Variants in NAV1 observed in about 807,000 individuals in gnomAD.
NAV1 encodes the protein pore membrane and/or filament interacting like protein 3.
Under a neutral mutation model 175.2 loss-of-function variants are expected in NAV1, and 18 were observed. The observed-to-expected ratio is 0.10, with a 90% CI of 0.07 to 0.15. NAV1 has a LOEUF of 0.15. Among genes scored for constraint, NAV1 ranks in the 10% least tolerant of loss-of-function variants. The pLI is 1.00. For synonymous variants in NAV1, 897 were observed against 978.7 expected (o/e 0.92, Z 1.56); for missense variants, 1,731 against 2,436.6 (o/e 0.71, Z 6.10).
In NAV1 at chr1:201,816,365, C is replaced by A. The variant is rs1374805792; in HGVS notation, c.5341-723C>A. On this transcript the variant is annotated intron_variant, in intron 28 of 29. Coordinates refer to ENST00000367296, the Ensembl canonical transcript of NAV1. ...CAGCCTGGGCAACAAGAGCGAAACT[C>A]CCTCTGGGAAAAAATATATATGTAA... Among the ~76,000 whole-genome samples the A allele has an allele frequency of 5.3e-5, 8 of 152,186 alleles. No individual in the cohort carries two copies. In the East Asian group the frequency reaches 1.4e-3, roughly 26 times the overall value.
At chr1:201,634,913 G>C (rs1297673713) in intron 2 of NAV1, among the ~76,000 whole-genome samples, 1 of 152,212 alleles carries the variant, frequency 6.6e-6, no homozygotes, top group Admixed American at 6.5e-5. Flanking sequence ...TGTGGTCCCA[G>C]AAATCAAGAA....
chr1:201,683,938 A>ATCAT (rs1439507086), intron 1 of NAV1, among the ~76,000 whole-genome samples: 12 of 152,106 alleles, frequency 7.9e-5, no homozygotes, highest in Non-Finnish European at 1.2e-4. Context: ...CCATTCATTC[A>ATCAT]TCATTCATTC....
At chr1:201,648,691 G>C in exon 1 of NAV1, 1 of 1,424,182 alleles carries the variant, frequency 7.0e-7, no homozygotes, top group Non-Finnish European at 9.1e-7. Flanking sequence ...AGCGTCAAGA[G>C]CGTGCAGCCC....
chr1:201,788,071 TC>T lies in NAV1; in HGVS notation c.2996-395del, dbSNP rs1234344632. ...TCTGGGTCTTGGTTTGAATTTTCAG[TC>T]CTCCTGAGCTGGCAGTTGTGTTTTA... On this transcript the variant is annotated intron_variant, in intron 9 of 29. Transcript: ENST00000367296. This position sits in a 1 kb window ranked among gnomAD's most constrained non-coding sequence, Gnocchi z 5.7. Among the ~76,000 whole-genome samples the T allele has an allele frequency of 2.0e-5, 3 of 152,112 alleles. No individual in the cohort carries two copies. The highest frequency in any genetic ancestry group is 7.2e-5 in the African/African-American group (3 of 41,408).
At chr1:201,683,133 T>G (rs760509783) in intron 1 of NAV1, among the ~76,000 whole-genome samples, 5 of 152,226 alleles carry the variant, frequency 3.3e-5, no homozygotes, top group Non-Finnish European at 7.3e-5. Context: ...TGTGACAGTT[T>G]CTTAGACTTT....
At chr1:201,711,880 T>C (rs1375643052) in intron 1 of NAV1, among the ~76,000 whole-genome samples, 4 of 152,234 alleles carry the variant, frequency 2.6e-5, no homozygotes, top group African/African-American at 9.6e-5. Flanking sequence ...AAGAACATTC[T>C]TTGAGTTCCT....
In NAV1 at chr1:201,642,557, T is replaced by TTTCTTTCTTTC. The variant is rs1571858664; in HGVS notation, c.5-6074_5-6073insTTTCTTTCTTC. On this transcript the variant is annotated intron_variant, in intron 2 of 29. Transcript: ENST00000367302. The stretch of plus-strand genomic sequence containing the variant: ...TCTTTCTTTCTTTCTTTCTTTCTTT[T>TTTCTTTCTTTC]TTCCCTTTCTTCCCTTCCTTCTCTT... Among the ~76,000 whole-genome samples the TTTCTTTCTTTC allele has an allele frequency of 2.5e-3, 270 of 106,058 alleles. 14 individuals carry two copies. The highest frequency in any genetic ancestry group is 3.6e-3 in the East Asian group (16 of 4,428). The allele number at this position is 106,058 out of a possible 152,430, so 69.6% of individuals were successfully genotyped here. A position where few individuals can be genotyped will look rare whatever the true frequency, so the allele number is the denominator to read the frequency against.
chr1:201,664,704 T>C (rs2102363300), intron 1 of NAV1, among the ~76,000 whole-genome samples: 1 of 152,298 alleles, frequency 6.6e-6, no homozygotes, highest in South Asian at 2.1e-4. Context: ...GGAGGAAACA[T>C]GGGTCTTGCC....
chr1:201,612,920 A>T lies in NAV1; in HGVS notation c.-32-9933A>T, dbSNP rs552812042. On this transcript the variant is annotated intron_variant, in intron 2 of 33. Transcript: ENST00000685211. ...GTGCAGCAGTACGAGTCATATCTTC[A>T]GAGTGGCACCAAGGGACACACTTCT... Among the ~76,000 whole-genome samples, 102 of 152,206 alleles carry T rather than the reference A, an allele frequency of 6.7e-4. 1 individual carries two copies. The South Asian group carries it at 0.02, about 29-fold the overall frequency.
Position 201,545,812 on chromosome 1 carries a change from T to A in NAV1, c.-144+6470T>A, listed in dbSNP as rs918426730. Among the ~76,000 whole-genome samples the A allele has an allele frequency of 2.0e-5, 3 of 152,366 alleles. No individual in the cohort carries two copies. The East Asian group carries it at 5.8e-4, about 29-fold the overall frequency. On this transcript the variant is annotated intron_variant, in intron 1 of 33. Coordinates refer to the NAV1 transcript ENST00000685211. ...GATGCAGAAGGGATAAATGAAGGCA[T>A]AAAGGAACGAGTCTGACTGTATCTT...
At position 201,807,068 on chromosome 1, in the gene NAV1, T is replaced by C. The variant is rs1259131298; in HGVS notation, c.3649-885T>C. ...TGTGTGTATGTGTGTGTGTGGTGTG[T>C]GGTGTGTGCATGCTGTATGGATGCA... On this transcript the variant is annotated intron_variant, in intron 17 of 29. Transcript: ENST00000367296. This position sits in a 1 kb window ranked among gnomAD's most constrained non-coding sequence, Gnocchi z 5.4. Among the ~76,000 whole-genome samples the C allele has an allele frequency of 6.6e-6, 1 of 151,958 alleles. No individual in the cohort carries two copies. The highest frequency in any genetic ancestry group is 6.6e-5 in the Admixed American group (1 of 15,232).
chr1:201,729,607 T>TA (rs1258453808), intron 3 of NAV1, among the ~76,000 whole-genome samples: 5 of 141,958 alleles, frequency 3.5e-5, no homozygotes, highest in African/African-American at 1.4e-4. Flanking sequence ...GACTCCATCT[T>TA]AAAAAATAAC....
chr1:201,670,382 A>C, intron 1 of NAV1, among the ~76,000 whole-genome samples: 1 of 137,250 alleles, frequency 7.3e-6, no homozygotes, highest in Non-Finnish European at 1.6e-5. Flanking sequence ...CTCCATCTCA[A>C]AAAAAAAAAA....
intron 1 of NAV1, among the ~76,000 whole-genome samples, chr1:201,540,727 G>A (rs115398554): frequency 0.02 from 3,029 of 152,360 alleles, 44 homozygotes; most frequent in Middle Eastern, 0.051. Flanking sequence ...TCTAAGATGA[G>A]CTTCCTAGTA....
rs1409614641 is a variant in NAV1 at position 201,783,852 on chromosome 1, G to A, written c.2804G>A (p.Ser935Asn). The A allele has an allele frequency of 4.4e-6, 7 of 1,602,192 alleles. No individual in the cohort carries two copies. The African/African-American group carries it at 9.4e-5, about 21-fold the overall frequency. ...AGCCCCAGAGCTGGGCAACTGGACAGGTAGGTAGAAAAGACAGCAGAACCT... is the reference window on the plus strand; with the variant it reads ...AGCCCCAGAGCTGGGCAACTGGACAAGTAGGTAGAAAAGACAGCAGAACCT... The change falls in exon 7 of 30, where the codon AGT (serine) becomes AAT (asparagine). Residue 935 changes from serine to asparagine, a missense_variant and splice_region_variant. By Grantham distance (46) the Ser-to-Asn change is conservative. Coordinates refer to ENST00000367296, the Ensembl canonical transcript of NAV1.
chr1:201,787,868 T>G lies in NAV1; in HGVS notation c.2996-600T>G. The G allele has an allele frequency of 5.6e-6, 2 of 359,202 alleles. No individual in the cohort carries two copies. The highest frequency in any genetic ancestry group is 4.3e-5 in the South Asian group (2 of 46,434). The allele number at this position is 359,202 out of a possible 1,614,324, so 22.3% of individuals were successfully genotyped here. A position where few individuals can be genotyped will look rare whatever the true frequency, so the allele number is the denominator to read the frequency against. Reference sequence around the variant, plus strand: ...TTTCACCTGCTCTGTCCATCTGACCTTCAAGCCGGGGCAATGCTAGGCAAA... The same window carrying G: ...TTTCACCTGCTCTGTCCATCTGACCGTCAAGCCGGGGCAATGCTAGGCAAA... On this transcript the variant is annotated intron_variant, in intron 9 of 29. Transcript: ENST00000367296. This position sits in a 1 kb window ranked among gnomAD's most constrained non-coding sequence, Gnocchi z 4.3.
exon 30 of NAV1, chr1:201,824,689 T>A (rs1034206022): frequency 6.6e-5 from 10 of 152,214 alleles, no homozygotes; most frequent in African/African-American, 2.4e-4. Flanking sequence ...TTCATGATTA[T>A]ACCATGGAGA....
intron 1 of NAV1, among the ~76,000 whole-genome samples, chr1:201,689,395 C>G (rs897747257): frequency 6.6e-6 from 1 of 152,156 alleles, no homozygotes; most frequent in Non-Finnish European, 1.5e-5. Context: ...TCTCTTAAAT[C>G]ATGTCACCAC....
intron 2 of NAV1, among the ~76,000 whole-genome samples, chr1:201,605,554 G>C (rs1291724189): frequency 6.6e-6 from 1 of 152,158 alleles, no homozygotes; most frequent in Non-Finnish European, 1.5e-5. Flanking sequence ...CTCTAGCATA[G>C]AGGCATTCAT....
Sources: gnomAD v4.1 joint callset for allele counts (sites outside exome capture counted in the v4.1 genomes callset) on GRCh38, gnomAD v4.1.1 for gene constraint, Gnocchi (gnomAD v3.1) non-coding constraint, MANE v1.5 for transcripts, NCBI Gene and HGNC (gene_info 2026-07-23, HGNC 2026-07-21) for gene names.